The following RYR3 variants were observed in gnomAD, a reference collection of about 807,000 sequenced individuals.
RYR3 encodes the protein ryanodine receptor 3, also known as brain ryanodine receptor-calcium release channel.
A neutral mutation model predicts 584.3 loss-of-function variants in RYR3; 207 were observed. The ratio of observed to expected loss-of-function variants is 0.35; its 90% CI spans 0.32 to 0.40. RYR3 has a LOEUF of 0.40. Ranked by LOEUF, RYR3 falls within the 10% of genes least tolerant of loss-of-function variation. The probability of loss-of-function intolerance (pLI) is 1.00; values close to 1 mark genes in which losing one functional copy is unlikely to be tolerated. For synonymous variants in RYR3, 2,416 were observed against 2,248.5 expected (o/e 1.07, Z -2.11); for missense variants, 5,616 against 6,089.2 (o/e 0.92, Z 2.59).
At position 33,709,650 on chromosome 15, in the gene RYR3, G is replaced by T. The variant is rs1754699900; in HGVS notation, c.6619+2596G>T. 2.6e-5 allele frequency among the ~76,000 whole-genome samples: 4 copies of T among 152,188 alleles called. No individual in the cohort carries two copies. In the South Asian group the frequency reaches 8.3e-4, roughly 32 times the overall value. ...ACTCTCTTGCCATGTGATGCCTTCT[G>T]CCATGTTATGATGCAGTGAGAAGGC... On this transcript the variant is annotated intron_variant, in intron 43 of 103. Transcript: ENST00000634891.
chr15:33,564,997 A>G (rs1784470197), intron 11 of RYR3, among the ~76,000 whole-genome samples: 1 of 152,210 alleles, frequency 6.6e-6, no homozygotes, highest in Non-Finnish European at 1.5e-5. Context: ...AATCGAGCAC[A>G]AACAGAATGA....
At chr15:33,457,616 G>A (rs1360727301) in intron 1 of RYR3, among the ~76,000 whole-genome samples, 1 of 152,146 alleles carries the variant, frequency 6.6e-6, no homozygotes, top group Non-Finnish European at 1.5e-5. Flanking sequence ...TGATCAATGG[G>A]TAAAAAGTTA....
chr15:33,697,878 C>A lies in RYR3; in HGVS notation c.6135-4C>A. On this transcript the variant is annotated splice_region_variant and splice_polypyrimidine_tract_variant and intron_variant, in intron 39 of 103. Coordinates refer to ENST00000634891, the MANE Select transcript of RYR3 (RefSeq NM_001036.6). ...CTGAAGACTCTCTCTGATCCTTATCCTAGAGACATAATGAACAACAAGGTG... is the reference window on the plus strand; with the variant it reads ...CTGAAGACTCTCTCTGATCCTTATCATAGAGACATAATGAACAACAAGGTG... 1 of 1,573,714 alleles carries A rather than the reference C, an allele frequency of 6.4e-7. No homozygotes were observed. Among genetic ancestry groups the A allele is most frequent in the Non-Finnish European group, 8.7e-7 (1 of 1,143,090 alleles).
At chr15:33,561,641 C>T (rs938449953) in intron 10 of RYR3, among the ~76,000 whole-genome samples, 1 of 151,958 alleles carries the variant, frequency 6.6e-6, no homozygotes, top group African/African-American at 2.4e-5. Context: ...ATGTGGGGGT[C>T]GAGGTGGGTG....
At chr15:33,329,838 G>A (rs1435092376) in intron 1 of RYR3, among the ~76,000 whole-genome samples, 1 of 152,182 alleles carries the variant, frequency 6.6e-6, no homozygotes, top group Non-Finnish European at 1.5e-5. Flanking sequence ...TGTGCGAAGG[G>A]GAGATGGTTA....
intron 16 of RYR3, among the ~76,000 whole-genome samples, chr15:33,596,503 G>A (rs1224958988): frequency 6.9e-6 from 1 of 145,370 alleles, no homozygotes; most frequent in South Asian, 2.2e-4. Context: ...TTTGGGGGGG[G>A]GGGATTTCTG....
intron 43 of RYR3, among the ~76,000 whole-genome samples, chr15:33,717,101 T>G (rs910341910): frequency 1.3e-5 from 2 of 152,214 alleles, no homozygotes; most frequent in African/African-American, 4.8e-5. Flanking sequence ...TTAGCACAAT[T>G]CTGCGATTAA....
intron 93 of RYR3, chr15:33,847,010 G>T (rs1003222329): frequency 6.6e-6 from 1 of 152,208 alleles, no homozygotes; most frequent in Non-Finnish European, 1.5e-5. Context: ...TTCTGTTTAC[G>T]AGAGTATACA....
intron 77 of RYR3, among the ~76,000 whole-genome samples, chr15:33,820,326 C>G (rs768122113): frequency 5.3e-5 from 8 of 152,160 alleles, no homozygotes; most frequent in African/African-American, 9.6e-5. Context: ...CTAGCTGTAC[C>G]ACAGGGCCCC....
intron 59 of RYR3, among the ~76,000 whole-genome samples, chr15:33,757,041 G>A (rs981970436): frequency 3.3e-5 from 5 of 152,158 alleles, no homozygotes; most frequent in South Asian, 2.1e-4. Context: ...TTGGGCTCAA[G>A]TTAGCAGTCT....
intron 1 of RYR3, among the ~76,000 whole-genome samples, chr15:33,423,008 T>C (rs1015149379): frequency 6.6e-6 from 1 of 152,196 alleles, no homozygotes; most frequent in Non-Finnish European, 1.5e-5. Flanking sequence ...ATATATAACA[T>C]TGAGTTTGCC....
chr15:33,680,159 G>A (rs1160120862), intron 38 of RYR3, among the ~76,000 whole-genome samples: 4 of 152,134 alleles, frequency 2.6e-5, no homozygotes, highest in Admixed American at 6.5e-5. Context: ...TGGGGGCTAG[G>A]GAATATAAGG....
chr15:33,499,716 G>C lies in RYR3; in HGVS notation c.172-3915G>C, dbSNP rs147313983. 2.9e-3 allele frequency among the ~76,000 whole-genome samples: 436 copies of C among 152,258 alleles called. 2 individuals carry two copies. The highest frequency in any genetic ancestry group is 9.9e-3 in the African/African-American group (411 of 41,554). ...CCATTATACAGATAAGGAAACAAAG[G>C]CATGTGTAACAGAAACTAAGTTACC... is the stretch of plus-strand genomic sequence containing the variant. On this transcript the variant is annotated intron_variant, in intron 2 of 103. Coordinates refer to ENST00000634891, the MANE Select transcript of RYR3 (RefSeq NM_001036.6).
chr15:33,476,171 AT>A (rs2049355505), intron 2 of RYR3, among the ~76,000 whole-genome samples: 1 of 152,222 alleles, frequency 6.6e-6, no homozygotes, highest in African/African-American at 2.4e-5. Flanking sequence ...TAACTATCAT[AT>A]AATTCTATAA....
At chr15:33,842,912 G>C (rs745508144) in intron 91 of RYR3, among the ~76,000 whole-genome samples, 1 of 152,152 alleles carries the variant, frequency 6.6e-6, no homozygotes, top group African/African-American at 2.4e-5. Flanking sequence ...TTGGCTCCCT[G>C]AGCAATAAAG....
intron 18 of RYR3, among the ~76,000 whole-genome samples, chr15:33,612,238 A>G (rs2060231031): frequency 6.6e-6 from 1 of 152,246 alleles, no homozygotes. Flanking sequence ...TAAATCATCT[A>G]ATGAAAGAGA....
chr15:33,620,731 G>A (rs1202421833), intron 19 of RYR3, among the ~76,000 whole-genome samples: 2 of 152,170 alleles, frequency 1.3e-5, no homozygotes, highest in Non-Finnish European at 2.9e-5. Context: ...TATTTGTGGC[G>A]GTTTGTTGGA....
chr15:33,632,927 A>G (rs1486690555), intron 23 of RYR3, 22 bp from the exon 24 acceptor site: 4 of 1,595,364 alleles, frequency 2.5e-6, no homozygotes, highest in East Asian at 2.2e-5. Context: ...TTAAAAATGT[A>G]TACTTTTACA....
At chr15:33,591,565 T>A (rs556195578) in intron 16 of RYR3, among the ~76,000 whole-genome samples, 1 of 152,338 alleles carries the variant, frequency 6.6e-6, no homozygotes, top group African/African-American at 2.4e-5. Context: ...GTAAAAAGAA[T>A]AACTGATGAA....
Sources: allele counts gnomAD v4.1 joint callset (sites outside exome capture counted in the v4.1 genomes callset), GRCh38; gene constraint gnomAD v4.1.1; transcripts MANE v1.5; gene names NCBI Gene and HGNC (gene_info 2026-07-23, HGNC 2026-07-21).